The following PCDHA4 variants were observed in gnomAD, a reference collection of about 807,000 sequenced individuals.
PCDHA4 encodes the protein protocadherin alpha 4.
In PCDHA4, 49 loss-of-function variants were observed where a neutral mutation model predicts 61.4. The observed-to-expected ratio is 0.80, with a 90% CI of 0.63 to 1.01. PCDHA4 has a LOEUF of 1.01. PCDHA4 is among the 50% of genes least tolerant of loss of function. The probability of loss-of-function intolerance (pLI) is 0.00; values close to 1 mark genes in which losing one functional copy is unlikely to be tolerated. For synonymous variants in PCDHA4, 590 were observed against 550.3 expected (o/e 1.07, Z -1.01); for missense variants, 1,254 against 1,235.8 (o/e 1.01, Z -0.22).
intron 1 of PCDHA4, chr5:140,830,046 A>G: frequency 6.2e-7 from 1 of 1,613,718 alleles, no homozygotes; most frequent in Non-Finnish European, 8.5e-7. Context: ...GTGCTGGTGA[A>G]AGACCACGGT....
intron 1 of PCDHA4, chr5:140,835,213 T>C: frequency 1.3e-6 from 2 of 1,576,900 alleles, no homozygotes; most frequent in Non-Finnish European, 1.7e-6. Context: ...AATGGGGATA[T>C]TATTTACTCC....
Position 140,883,537 on chromosome 5 carries a change from G to A in PCDHA4, c.2385+73965G>A, listed in dbSNP as rs782001309. 3 of 1,614,238 alleles carry A rather than the reference G, an allele frequency of 1.9e-6. No individual in the cohort carries two copies. The African/African-American group carries it at 4.0e-5, about 22-fold the overall frequency. On this transcript the variant is annotated intron_variant, in intron 1 of 3. Transcript: ENST00000530339. ...GCGAGAGCGTATCAGCCTATGAACT[G>A]GTGGTGACCGCGCGGGACGGGGGCT...
At chr5:140,985,128 G>A (rs908196925) in intron 3 of PCDHA4, among the ~76,000 whole-genome samples, 3 of 152,056 alleles carry the variant, frequency 2.0e-5, no homozygotes, top group Admixed American at 6.6e-5. Flanking sequence ...TAGTAAAGAC[G>A]GGGTTTCACC....
chr5:141,007,472 G>A (rs2098331789), intron 3 of PCDHA4, among the ~76,000 whole-genome samples: 1 of 151,844 alleles, frequency 6.6e-6, no homozygotes, highest in Non-Finnish European at 1.5e-5. Context: ...GGAGGCTGAG[G>A]CACGAGAATT....
intron 3 of PCDHA4, among the ~76,000 whole-genome samples, chr5:140,987,219 A>G (rs1340141684): frequency 6.6e-6 from 1 of 151,240 alleles, no homozygotes; most frequent in African/African-American, 2.5e-5. Flanking sequence ...ATCTCAAAAA[A>G]AAAAAAAATA....
At chr5:140,982,608 T>G (rs782789536) in intron 3 of PCDHA4, 45 bp downstream of exon 3, 2 of 1,601,306 alleles carry the variant, frequency 1.2e-6, no homozygotes, top group South Asian at 2.2e-5. Flanking sequence ...TTCTGGAAAG[T>G]GATCAGATGA....
At chr5:140,846,639 G>C (rs1780602626) in intron 1 of PCDHA4, among the ~76,000 whole-genome samples, 2 of 149,172 alleles carry the variant, frequency 1.3e-5, no homozygotes, top group Non-Finnish European at 1.5e-5. Context: ...CTCCTAAAGT[G>C]CTGGGATTAC....
At chr5:140,934,437 T>C (rs950173265) in intron 1 of PCDHA4, among the ~76,000 whole-genome samples, 4 of 152,298 alleles carry the variant, frequency 2.6e-5, no homozygotes, top group Admixed American at 6.5e-5. Context: ...AGTGTAAATA[T>C]AGTGAAAAAT....
intron 1 of PCDHA4, chr5:140,883,440 C>T (rs781949896): frequency 1.9e-6 from 3 of 1,614,152 alleles, no homozygotes; most frequent in Non-Finnish European, 2.5e-6. Flanking sequence ...ACCTTGACGC[C>T]GCATGTCCCC....
At chr5:140,859,744 T>C (rs1554152696) in intron 1 of PCDHA4, 2 of 154,298 alleles carry the variant, frequency 1.3e-5, no homozygotes, top group African/African-American at 2.4e-5. Context: ...AAGCATGGCA[T>C]TCTTTCAGTG....
At chr5:140,837,960 C>T (rs1483663172) in intron 1 of PCDHA4, among the ~76,000 whole-genome samples, 2 of 151,794 alleles carry the variant, frequency 1.3e-5, no homozygotes, top group African/African-American at 2.4e-5. Context: ...ATTACAGACA[C>T]GAACAACCAC....
At position 140,877,517 on chromosome 5, in the gene PCDHA4, C is replaced by T. The variant is rs782271327; in HGVS notation, c.2385+67945C>T. ...CAGGCCCCAAAGACGTCGTCGCGGG[C>T]CTCAGTGGGCGCTGTGGATCCCGAA... On this transcript the variant is annotated intron_variant, in intron 1 of 3. Coordinates refer to ENST00000530339, the MANE Select transcript of PCDHA4 (RefSeq NM_018907.4). 5.6e-6 allele frequency: 9 copies of T among 1,613,766 alleles called. No homozygotes were observed. Among genetic ancestry groups the T allele is most frequent in the Non-Finnish European group, 7.6e-6 (9 of 1,179,862 alleles).
intron 1 of PCDHA4, chr5:140,834,945 C>T (rs2150229215): frequency 6.4e-7 from 1 of 1,552,558 alleles, no homozygotes; most frequent in East Asian, 2.3e-5. Flanking sequence ...CAGCAACCAG[C>T]AGGTAAAACC....
intron 1 of PCDHA4, among the ~76,000 whole-genome samples, chr5:140,952,265 G>A (rs1292970434): frequency 6.6e-6 from 1 of 151,556 alleles, no homozygotes; most frequent in African/African-American, 2.4e-5. Context: ...CCCATTCTGG[G>A]GTCTTGAGGG....
At chr5:140,857,771 GCAGT>G in intron 1 of PCDHA4, 1 of 1,597,658 alleles carries the variant, frequency 6.3e-7, no homozygotes, top group Non-Finnish European at 8.6e-7. Context: ...CGCGGGCGGT[GCAGT>G]CAGTGAGCTG....
intron 1 of PCDHA4, among the ~76,000 whole-genome samples, chr5:140,890,477 C>G (rs1255992157): frequency 6.6e-6 from 1 of 151,926 alleles, no homozygotes; most frequent in African/African-American, 2.4e-5. Context: ...ATTTTTTGTG[C>G]GTTATTTTTG....
chr5:140,945,678 C>T (rs2093827274), intron 1 of PCDHA4, among the ~76,000 whole-genome samples: 1 of 152,078 alleles, frequency 6.6e-6, no homozygotes, highest in Non-Finnish European at 1.5e-5. Context: ...AATAAATCCA[C>T]ACAGTTACTG....
chr5:140,864,430 A>G (rs2048477187), intron 1 of PCDHA4: 1 of 152,190 alleles, frequency 6.6e-6, no homozygotes, highest in South Asian at 2.1e-4. Flanking sequence ...GTCCACAAAC[A>G]ATTTTGTTTC....
At chr5:140,925,349 A>G (rs4912732) in intron 1 of PCDHA4, among the ~76,000 whole-genome samples, 5,885 of 152,152 alleles carry the variant, frequency 0.039, 171 homozygotes, top group Non-Finnish European at 0.058. Flanking sequence ...TTGAGTGAGG[A>G]ATTTAGTGCT....
Sources: gnomAD v4.1 joint callset for allele counts (sites outside exome capture counted in the v4.1 genomes callset) on GRCh38, gnomAD v4.1.1 for gene constraint, MANE v1.5 for transcripts, NCBI Gene and HGNC (gene_info 2026-07-23, HGNC 2026-07-21) for gene names.